ANKRD36: variants seen among roughly 807,000 people sequenced by gnomAD.
The protein encoded by ANKRD36 is ankyrin repeat domain 36, also known as ankyrin repeat domain-containing protein 36A.
ANKRD36 carries 179 observed loss-of-function variants against 278.1 expected under a neutral mutation model. The observed-to-expected ratio is 0.64, with a 90% CI of 0.57 to 0.73. ANKRD36 has a LOEUF of 0.73. ANKRD36 is among the 30% of genes least tolerant of loss of function. The pLI, the probability that ANKRD36 is intolerant of heterozygous loss-of-function variation, is 0.00. For synonymous variants in ANKRD36, 320 were observed against 641.1 expected (o/e 0.50, Z 7.57); for missense variants, 1,159 against 1,956.7 (o/e 0.59, Z 7.69).
At chr2:97,187,494 G>GGCC in intron 32 of ANKRD36, 93 bp downstream of exon 32, 2 of 95,516 alleles carry the variant, frequency 2.1e-5, no homozygotes, top group Non-Finnish European at 4.3e-5. Flanking sequence ...GGGTGGGGGG[G>GGCC]CTCGCCGAAG....
At chr2:97,240,384 A>G (rs1488439950) in intron 68 of ANKRD36, among the ~76,000 whole-genome samples, 2 of 150,544 alleles carry the variant, frequency 1.3e-5, no homozygotes, top group African/African-American at 4.9e-5. Context: ...TTTATTTTTC[A>G]TTGTTCTTAG....
At chr2:97,182,949 A>G (rs1364927261) in intron 26 of ANKRD36, among the ~76,000 whole-genome samples, 2 of 151,624 alleles carry the variant, frequency 1.3e-5, no homozygotes, top group African/African-American at 4.8e-5. Context: ...GGCCACTTCC[A>G]CCGAGGACTC....
At chr2:97,194,988 T>A (rs541508437) in intron 40 of ANKRD36, 71 bp downstream of exon 40, 2 of 1,520,860 alleles carry the variant, frequency 1.3e-6, no homozygotes, top group East Asian at 4.9e-5. Context: ...AATAAATCAG[T>A]GGGGGGCTGG....
intron 60 of ANKRD36, among the ~76,000 whole-genome samples, chr2:97,213,920 A>G (rs557358489): frequency 2.0e-3 from 297 of 151,728 alleles, no homozygotes; most frequent in Non-Finnish European, 3.5e-3. Flanking sequence ...GTTTTCAATA[A>G]GGGTAGAAGG....
At chr2:97,209,343 A>G (rs2063731282) in intron 54 of ANKRD36, among the ~76,000 whole-genome samples, 1 of 146,662 alleles carries the variant, frequency 6.8e-6, no homozygotes, top group African/African-American at 2.7e-5. Flanking sequence ...CTGTTTTGAC[A>G]TTGATTCTCA....
rs2061691122 is a variant in ANKRD36, at chr2:97,202,594, C to A, written c.2959+201C>A. On this transcript the variant is annotated intron_variant, in intron 48 of 75. Coordinates refer to ENST00000420699, the MANE Select transcript of ANKRD36 (RefSeq NM_001354587.1). ...TCTTCGCTGTAAGATTATACACTTC[C>A]CCACATTGAAGTTGGGAAGAATATA... Among the ~76,000 whole-genome samples the A allele has an allele frequency of 2.0e-5, 3 of 151,798 alleles. No homozygotes were observed. In the South Asian group the frequency reaches 6.3e-4, roughly 32 times the overall value.
intron 20 of ANKRD36, among the ~76,000 whole-genome samples, chr2:97,166,355 A>G (rs2050650761): frequency 1.3e-5 from 2 of 148,976 alleles, no homozygotes; most frequent in Non-Finnish European, 3.0e-5. Context: ...GCTGTTGTGA[A>G]GAAGGAATTT....
rs570881572 is a variant in ANKRD36, at chr2:97,113,428, G to A, written c.-312G>A. ...CGACAGTTAAACAGGCCCTGGGGCA[G>A]GGCGCGCCTCGCGCTCCAGGGAGCC... On this transcript the variant is annotated 5_prime_UTR_variant, in exon 1 of 76. Coordinates refer to ENST00000420699, the MANE Select transcript of ANKRD36 (RefSeq NM_001354587.1). 5.6e-3 allele frequency: 2,428 copies of A among 433,540 alleles called. 54 individuals are homozygous for A. Among genetic ancestry groups the A allele is most frequent in the African/African-American group, 0.046 (2,220 of 48,312 alleles). The allele number at this position is 433,540 out of a possible 1,614,324, so 26.9% of individuals were successfully genotyped here.
intron 46 of ANKRD36, among the ~76,000 whole-genome samples, chr2:97,201,070 T>C (rs1324597889): frequency 2.6e-5 from 4 of 151,908 alleles, no homozygotes; most frequent in African/African-American, 2.4e-5. Context: ...TCACTTCAGA[T>C]GCATTTGGAA....
chr2:97,187,247 A>G (rs1313222398), intron 31 of ANKRD36, 21 bp downstream of exon 31: 5 of 1,609,314 alleles, frequency 3.1e-6, no homozygotes, highest in African/African-American at 2.7e-5. Context: ...TCTCATTTAT[A>G]TTGTGAACTA....
intron 56 of ANKRD36, 120 bp from the exon 57 acceptor site, chr2:97,211,426 C>A (rs1307949957): frequency 6.9e-7 from 1 of 1,446,046 alleles, no homozygotes; most frequent in African/African-American, 1.4e-5. Flanking sequence ...AAAGTAGAAG[C>A]CGTCAAGGCC....
At position 97,124,542 on chromosome 2, in the gene ANKRD36, C is replaced by G. The variant is rs200850634; in HGVS notation, c.676C>G (p.Arg226Gly). ...LLQHNIDVLS[R>G]DAFRKIAGDY... ...GCAGCACAATATTGATGTGCTTTCT[C>G]GAGATGCGTTTCGAAAGATTGCAGG... The change falls in exon 5 of 76, where the codon CGA becomes GGA. Residue 226 changes from arginine to glycine, a missense_variant. By Grantham distance (125) the Arg-to-Gly change is moderately radical. Coordinates refer to ENST00000420699, the MANE Select transcript of ANKRD36 (RefSeq NM_001354587.1). The G allele has an allele frequency of 6.0e-4, 933 of 1,552,994 alleles. 1 individual carries two copies. Among genetic ancestry groups the G allele is most frequent in the Non-Finnish European group, 7.6e-4 (876 of 1,147,400 alleles).
At position 97,200,463 on chromosome 2, in the gene ANKRD36, A is replaced by C; in HGVS notation, c.2795A>C (p.Asp932Ala). ...TCAAATTCCATTCAGGCCACAAGTG[A>C]TGAGAAGGATTCTTTTTCGAATATA... ...RKKPSLEATSDEKDSFSNITR... is the reference protein window; with the variant it reads ...RKKPSLEATSAEKDSFSNITR... Residue 932 changes from aspartate (D) to alanine (A), a missense_variant, in exon 46 of 76, where the codon GAT becomes GCT. Asp to Ala is a moderately radical substitution (Grantham distance 126). Coordinates refer to ENST00000420699, the MANE Select transcript of ANKRD36 (RefSeq NM_001354587.1). The C allele has an allele frequency of 6.3e-7, 1 of 1,592,422 alleles. No homozygotes were observed. The highest frequency in any genetic ancestry group is 8.5e-7 in the Non-Finnish European group (1 of 1,174,394).
intron 67 of ANKRD36, among the ~76,000 whole-genome samples, chr2:97,227,341 C>T (rs1558935375): frequency 6.6e-6 from 1 of 152,144 alleles, no homozygotes; most frequent in Non-Finnish European, 1.5e-5. Flanking sequence ...AGGTCCTTCA[C>T]ATCGCTTGTA....
At position 97,113,685 on chromosome 2, in the gene ANKRD36, A is replaced by G; in HGVS notation, c.-55A>G. The G allele has an allele frequency of 6.2e-7, 1 of 1,607,656 alleles. No homozygotes were observed. Among genetic ancestry groups the G allele is most frequent in the South Asian group, 1.1e-5 (1 of 90,626 alleles). On this transcript the variant is annotated 5_prime_UTR_variant, in exon 1 of 76. Transcript: ENST00000420699. ...TCGTTGTTGCTCTTCGGAGGCGGCG[A>G]TCCCCGAAGGCGAGCTGAAATACGG... is the stretch of plus-strand genomic sequence containing the variant.
intron 22 of ANKRD36, among the ~76,000 whole-genome samples, chr2:97,177,909 A>T (rs2054818882): frequency 6.6e-6 from 1 of 151,128 alleles, no homozygotes; most frequent in Non-Finnish European, 1.5e-5. Context: ...AATGGGAGAA[A>T]ATTTTTGCAA....
At chr2:97,215,728 G>A in intron 62 of ANKRD36, 1 of 1,280,376 alleles carries the variant, frequency 7.8e-7, no homozygotes, top group Non-Finnish European at 1.1e-6. Flanking sequence ...AAGAGCCATA[G>A]GAGAGCGGTT....
At position 97,193,017 on chromosome 2, in the gene ANKRD36, G is replaced by C; in HGVS notation, c.2413G>C (p.Ala805Pro). The C allele has an allele frequency of 6.4e-7, 1 of 1,574,358 alleles. No homozygotes were observed. The highest frequency in any genetic ancestry group is 8.6e-7 in the Non-Finnish European group (1 of 1,159,748). ...CGAGGAAGGTTCTGTTTTGAGTATA[G>C]CCAGAGAAAACAAGGATGGAGAAAA... The part of the protein sequence containing the change: ...SDEEGSVLSI[A>P]RENKDGEKSR... Residue 805 changes from alanine (A) to proline (P), a missense_variant, in exon 38 of 76, where the codon GCC becomes CCC. Ala to Pro is a conservative substitution (Grantham distance 27). Transcript: ENST00000420699.
intron 17 of ANKRD36, among the ~76,000 whole-genome samples, chr2:97,159,260 T>G (rs1189624639): frequency 6.6e-6 from 1 of 152,046 alleles, no homozygotes; most frequent in Non-Finnish European, 1.5e-5. Flanking sequence ...GGTGACTGTA[T>G]TTAACATTCT....
Sources: allele counts gnomAD v4.1 joint callset (sites outside exome capture counted in the v4.1 genomes callset), GRCh38; gene constraint gnomAD v4.1.1; transcripts MANE v1.5; gene names NCBI Gene and HGNC (gene_info 2026-07-23, HGNC 2026-07-21).